The following ACTR3C variants were observed in gnomAD, a reference collection of about 807,000 sequenced individuals.
ACTR3C encodes actin-related protein 3C.
In ACTR3C, 18 loss-of-function variants were observed where a neutral mutation model predicts 26.3. The ratio of observed to expected loss-of-function variants is 0.68; its 90% CI spans 0.47 to 1.01. The LOEUF is 1.01. Among genes scored for constraint, ACTR3C ranks in the 50% least tolerant of loss-of-function variants. The probability of loss-of-function intolerance (pLI) is 0.00; values close to 1 mark genes in which losing one functional copy is unlikely to be tolerated. For synonymous variants in ACTR3C, 55 were observed against 94.5 expected (o/e 0.58, Z 2.42); for missense variants, 184 against 250.7 (o/e 0.73, Z 1.80).
chr7:150,239,519 T>TCG (rs1319696694), downstream of ACTR3C, among the ~76,000 whole-genome samples: 2 of 117,506 alleles, frequency 1.7e-5, no homozygotes, highest in Non-Finnish European at 3.4e-5. Context: ...TCTCTCTCTC[T>TCG]CTCTCTCTCT....
chr7:149,912,434 C>T, the ACTR3C span, among the ~76,000 whole-genome samples: 2 of 151,308 alleles, frequency 1.3e-5, no homozygotes, highest in Non-Finnish European at 3.0e-5. Context: ...ACACGGGTAC[C>T]TTAAGTATCA....
chr7:150,170,868 T>G, the ACTR3C span, among the ~76,000 whole-genome samples: 1 of 144,338 alleles, frequency 6.9e-6, no homozygotes, highest in African/African-American at 2.8e-5. Context: ...GAGCATATAC[T>G]ATTACCAGGG....
chr7:150,102,240 G>T, the ACTR3C span, among the ~76,000 whole-genome samples: 2 of 151,646 alleles, frequency 1.3e-5, no homozygotes, highest in South Asian at 4.1e-4. Flanking sequence ...TGGGATGACA[G>T]CTCCCCTAGC....
the ACTR3C span, among the ~76,000 whole-genome samples, chr7:150,170,146 C>G: frequency 1.2e-4 from 18 of 149,788 alleles, 1 homozygote; most frequent in African/African-American, 4.3e-4. Flanking sequence ...CAAGTTCCCT[C>G]ATGTGACTGA....
At chr7:150,307,714 T>C (rs1442033262) in intron 1 of ACTR3C, among the ~76,000 whole-genome samples, 1 of 152,182 alleles carries the variant, frequency 6.6e-6, no homozygotes, top group African/African-American at 2.4e-5. Context: ...TTTGGTGCCA[T>C]GACTTGGTTC....
At position 150,248,035 on chromosome 7, in the gene ACTR3C, C is replaced by T. The variant is rs1315378402; in HGVS notation, c.*39-466G>A. 4.6e-5 allele frequency: 7 copies of T among 152,374 alleles called. No homozygotes were observed. The South Asian group carries it at 6.2e-4, about 14-fold the overall frequency. 9.4% of individuals were successfully genotyped at this position (152,374 alleles called of 1,614,324 possible). ...GGGGCAAAGGTACTCCAACAATAGA[C>T]GATGCTGTTGGCAATACCTGCTCGA... On this transcript the variant is annotated intron_variant, in intron 7 of 7. Coordinates refer to ENST00000683684, the MANE Select transcript of ACTR3C (RefSeq NM_001164458.2).
intron 1 of ACTR3C, among the ~76,000 whole-genome samples, chr7:150,306,033 C>G (rs1012182749): frequency 6.6e-6 from 1 of 152,216 alleles, no homozygotes; most frequent in African/African-American, 2.4e-5. Flanking sequence ...ATCACTTCCT[C>G]AACCACAACA....
At chr7:150,067,774 G>A in the ACTR3C span, among the ~76,000 whole-genome samples, 1 of 117,094 alleles carries the variant, frequency 8.5e-6, no homozygotes, top group Middle Eastern at 5.3e-3. Context: ...AGGCTGAATT[G>A]CCCCACACAA....
the ACTR3C span, among the ~76,000 whole-genome samples, chr7:150,149,906 C>T: frequency 1.4e-4 from 22 of 152,238 alleles, no homozygotes; most frequent in East Asian, 1.2e-3. Context: ...TTTATATGTG[C>T]ACACTGAGAA....
chr7:150,310,492 C>CCAAACCCCTATACT (rs1376529064), intron 1 of ACTR3C, among the ~76,000 whole-genome samples: 4,229 of 152,140 alleles, frequency 0.028, 214 homozygotes, highest in African/African-American at 0.097. Context: ...AAGACCTTTG[C>CCAAACCCCTATACT]CTCATAAATC....
the ACTR3C span, among the ~76,000 whole-genome samples, chr7:150,169,388 G>GAAAAAAA: frequency 5.8e-5 from 7 of 120,116 alleles, no homozygotes; most frequent in African/African-American, 6.8e-5. Context: ...ATTTCAAAAG[G>GAAAAAAA]AAAAAAAAAA....
chr7:150,215,829 A>G, the ACTR3C span, among the ~76,000 whole-genome samples: 1 of 152,022 alleles, frequency 6.6e-6, no homozygotes, highest in Non-Finnish European at 1.5e-5. Context: ...TGCTCATGGA[A>G]TCTGTTATAT....
the ACTR3C span, among the ~76,000 whole-genome samples, chr7:150,156,964 C>A: frequency 9.2e-5 from 14 of 151,544 alleles, no homozygotes; most frequent in South Asian, 2.3e-3. Flanking sequence ...CCTATCAGTT[C>A]TTTTCCAACT....
the ACTR3C span, among the ~76,000 whole-genome samples, chr7:150,177,063 T>C: frequency 6.6e-6 from 1 of 150,590 alleles, no homozygotes; most frequent in African/African-American, 2.5e-5. Flanking sequence ...CTCTAAGATC[T>C]TTTTAAGTTG....
the ACTR3C span, among the ~76,000 whole-genome samples, chr7:149,927,200 A>G: frequency 1 from 151,702 of 152,088 alleles, 75,660 homozygotes; most frequent in Middle Eastern, 1. Context: ...TCAAGGTAGG[A>G]ACAAAAATGG....
chr7:149,984,044 C>T, the ACTR3C span, among the ~76,000 whole-genome samples: 276 of 152,234 alleles, frequency 1.8e-3, no homozygotes, highest in Non-Finnish European at 3.4e-3. Context: ...CTGTATCCTA[C>T]TGTGCTTTCA....
the ACTR3C span, among the ~76,000 whole-genome samples, chr7:150,173,686 G>A: frequency 1.0e-4 from 12 of 118,506 alleles, no homozygotes; most frequent in African/African-American, 4.4e-4. Context: ...TCACGTTGTC[G>A]GGCTGCAAAT....
At chr7:150,040,340 A>G in the ACTR3C span, among the ~76,000 whole-genome samples, 1 of 147,674 alleles carries the variant, frequency 6.8e-6, no homozygotes, top group Non-Finnish European at 1.5e-5. Context: ...TGACGCATAC[A>G]ATGGAAAAGG....
chr7:150,229,799 G>C, the ACTR3C span, among the ~76,000 whole-genome samples: 1 of 151,480 alleles, frequency 6.6e-6, no homozygotes, highest in Admixed American at 6.6e-5. Context: ...CCCAGCCTTA[G>C]AGTGATTACT....
Sources: gnomAD v4.1 joint callset for allele counts (sites outside exome capture counted in the v4.1 genomes callset) on GRCh38, gnomAD v4.1.1 for gene constraint, MANE v1.5 for transcripts, NCBI Gene and HGNC (gene_info 2026-07-23, HGNC 2026-07-21) for gene names.